OTUD7A: variants seen among roughly 807,000 people sequenced by gnomAD.
OTUD7A encodes the protein OTU domain-containing protein 7A.
OTUD7A carries 12 observed loss-of-function variants against 65.7 expected under a neutral mutation model. The observed-to-expected ratio is 0.18, with a 90% CI of 0.12 to 0.30. The LOEUF (loss-of-function observed/expected upper bound fraction) is 0.30, where lower values mean the gene tolerates loss of function less well. OTUD7A is among the 10% of genes least tolerant of loss of function. OTUD7A has a pLI of 1.00. For synonymous variants in OTUD7A, 641 were observed against 586.3 expected, an observed-to-expected ratio of 1.09 and a Z score of -1.35; for missense variants, 1,148 against 1,304.8, an observed-to-expected ratio of 0.88 and a Z score of 1.85.
intron 1 of OTUD7A, among the ~76,000 whole-genome samples, chr15:31,726,762 A>T (rs1893900236): frequency 6.6e-6 from 1 of 152,184 alleles, no homozygotes. Context: ...ATTCTAGAGG[A>T]TTTCTCAATG....
At chr15:31,713,591 C>T (rs1482822106) in intron 1 of OTUD7A, among the ~76,000 whole-genome samples, 3 of 151,666 alleles carry the variant, frequency 2.0e-5, no homozygotes, top group African/African-American at 7.3e-5. Context: ...TACACTCCAG[C>T]CAGGACAACA....
rs1890199286 is a variant in OTUD7A at position 31,605,087 on chromosome 15, C to T, written c.152-34890G>A. Among the ~76,000 whole-genome samples the T allele has an allele frequency of 1.3e-5, 2 of 152,182 alleles. 1 individual carries two copies. Among genetic ancestry groups the T allele is most frequent in the South Asian group, 4.1e-4 (2 of 4,832 alleles). On this transcript the variant is annotated intron_variant, in intron 3 of 12. Coordinates refer to ENST00000307050, the MANE Select transcript of OTUD7A (RefSeq NM_001382637.1). The stretch of plus-strand genomic sequence containing the variant: ...CCTTCCACAGCTGTTTGTTTCTTTG[C>T]TTTTGTATTTGATTTTAGTTTGCTT...
chr15:31,637,890 G>A (rs2141257931), intron 3 of OTUD7A, among the ~76,000 whole-genome samples: 2 of 152,366 alleles, frequency 1.3e-5, no homozygotes, highest in Middle Eastern at 6.8e-3. Flanking sequence ...TTATGGATGA[G>A]CAAGGAAAGT....
intron 3 of OTUD7A, among the ~76,000 whole-genome samples, chr15:31,628,025 T>C (rs1891016977): frequency 6.6e-6 from 1 of 152,230 alleles, no homozygotes; most frequent in Admixed American, 6.5e-5. Flanking sequence ...GCAAAAATTT[T>C]CTCCCATTTT....
At chr15:31,503,560 G>A (rs1165997420) in intron 9 of OTUD7A, 131 bp downstream of exon 9, 17 of 1,232,888 alleles carry the variant, frequency 1.4e-5, no homozygotes, top group African/African-American at 4.5e-5. Context: ...GAAACACGTC[G>A]AGGAGATCTT....
intron 4 of OTUD7A, among the ~76,000 whole-genome samples, chr15:31,563,741 G>A (rs1888771166): frequency 6.6e-6 from 1 of 152,198 alleles, no homozygotes; most frequent in Non-Finnish European, 1.5e-5. Flanking sequence ...GTCCCTACAG[G>A]AAACAAGGAC....
intron 3 of OTUD7A, among the ~76,000 whole-genome samples, chr15:31,630,707 AAT>A (rs1453875972): frequency 6.6e-6 from 1 of 152,004 alleles, no homozygotes; most frequent in Non-Finnish European, 1.5e-5. Flanking sequence ...TCCCATTATT[AAT>A]GTGTGGGAGT....
At chr15:31,779,366 G>A (rs1895475748) in intron 1 of OTUD7A, among the ~76,000 whole-genome samples, 1 of 152,184 alleles carries the variant, frequency 6.6e-6, no homozygotes. Context: ...AAGGCATCCA[G>A]GCAACATGTG....
chr15:31,681,269 GCCAT>G (rs1015216751), intron 1 of OTUD7A, among the ~76,000 whole-genome samples: 2 of 151,222 alleles, frequency 1.3e-5, no homozygotes, highest in Non-Finnish European at 2.9e-5. Context: ...CTTTCTTTCT[GCCAT>G]CCTGTCTATT....
At chr15:31,665,622 C>A (rs1313835809) in intron 1 of OTUD7A, among the ~76,000 whole-genome samples, 1 of 152,168 alleles carries the variant, frequency 6.6e-6, no homozygotes, top group African/African-American at 2.4e-5. Flanking sequence ...GATAGTATGA[C>A]TGCCTCTTCA....
chr15:31,821,209 C>T (rs1896674106), intron 1 of OTUD7A, among the ~76,000 whole-genome samples: 1 of 142,628 alleles, frequency 7.0e-6, no homozygotes, highest in African/African-American at 2.6e-5. Flanking sequence ...AATCTCAGCT[C>T]ACTGCAACCT....
chr15:31,487,808 C>T lies in OTUD7A; in HGVS notation c.1172-242G>A, dbSNP rs1397559300. ...GGACCCTGGCTCTCTTTGGGTCTGT[C>T]CAATGGCAGATACTCCATTGGGCAG... On this transcript the variant is annotated intron_variant, in intron 10 of 12. Coordinates refer to ENST00000307050, the MANE Select transcript of OTUD7A (RefSeq NM_001382637.1). This position sits in a 1 kb window ranked among gnomAD's most constrained non-coding sequence, Gnocchi z 6.0. Among the ~76,000 whole-genome samples the T allele has an allele frequency of 6.6e-6, 1 of 152,156 alleles. No homozygotes were observed. Among genetic ancestry groups the T allele is most frequent in the Non-Finnish European group, 1.5e-5 (1 of 68,028 alleles).
At chr15:31,575,995 A>C (rs1032061096) in intron 3 of OTUD7A, among the ~76,000 whole-genome samples, 1 of 152,204 alleles carries the variant, frequency 6.6e-6, no homozygotes, top group African/African-American at 2.4e-5. Flanking sequence ...TGAGGGATAT[A>C]TTTAAAAGAA....
intron 3 of OTUD7A, among the ~76,000 whole-genome samples, chr15:31,585,780 C>T (rs2141190122): frequency 6.6e-6 from 1 of 152,230 alleles, no homozygotes; most frequent in South Asian, 2.1e-4. Context: ...ACATAGGTGT[C>T]TACAGACCAC....
rs1272183383 is a variant in OTUD7A at position 31,480,825 on chromosome 15, G to A, written c.*2469C>T. The A allele has an allele frequency of 6.6e-6, 1 of 152,266 alleles. No individual in the cohort carries two copies. The highest frequency in any genetic ancestry group is 1.5e-5 in the Non-Finnish European group (1 of 68,050). The allele number at this position is 152,266 out of a possible 1,614,324, so 9.4% of individuals were successfully genotyped here. On this transcript the variant is annotated 3_prime_UTR_variant, in exon 13 of 13. Coordinates refer to ENST00000307050, the MANE Select transcript of OTUD7A (RefSeq NM_001382637.1). ...GACTGAGTGGTAATGTATCAGCCTG[G>A]AGCAGGTGTCTACAGGCGTCTGGCG... is the stretch of plus-strand genomic sequence containing the variant.
Position 31,771,415 on chromosome 15 carries a change from C to T in OTUD7A, c.-100+99092G>A, listed in dbSNP as rs138914770. Among the ~76,000 whole-genome samples, 401 of 152,298 alleles carry T rather than the reference C, an allele frequency of 2.6e-3. 9 individuals are homozygous for T. Among genetic ancestry groups the T allele is most frequent in the Non-Finnish European group, 7.1e-4 (48 of 68,028 alleles). Reference sequence around the variant, plus strand: ...GGCCCATGAACCATCTCCCTTCCCACCAAATGACATCAACATTTACGTGAT... The same window carrying T: ...GGCCCATGAACCATCTCCCTTCCCATCAAATGACATCAACATTTACGTGAT... On this transcript the variant is annotated intron_variant, in intron 1 of 12. Coordinates refer to ENST00000307050, the MANE Select transcript of OTUD7A (RefSeq NM_001382637.1).
At position 31,485,912 on chromosome 15, in the gene OTUD7A, AC is replaced by A. The variant is rs1186396237; in HGVS notation, c.1372-1189del. On this transcript the variant is annotated intron_variant, in intron 12 of 12. Transcript: ENST00000307050. ...CTGACCCTCACCACCTCCCACTCTG[AC>A]ATTCCTTTCCCCTTCCCACCTGGGA... 2.6e-5 allele frequency among the ~76,000 whole-genome samples: 4 copies of A among 152,168 alleles called. 1 individual carries two copies. Among genetic ancestry groups the A allele is most frequent in the Non-Finnish European group, 5.9e-5 (4 of 68,020 alleles).
intron 3 of OTUD7A, among the ~76,000 whole-genome samples, chr15:31,588,255 G>GA (rs1889608670): frequency 6.6e-6 from 1 of 152,196 alleles, no homozygotes; most frequent in African/African-American, 2.4e-5. Flanking sequence ...CTTGTTGTAG[G>GA]AAAGGAGAAA....
intron 1 of OTUD7A, among the ~76,000 whole-genome samples, chr15:31,701,409 A>T (rs1159896489): frequency 1.3e-5 from 2 of 151,532 alleles, no homozygotes; most frequent in Non-Finnish European, 1.5e-5. Context: ...ATTATAATTT[A>T]AAAATATATT....
Sources: gnomAD v4.1 joint callset for allele counts (sites outside exome capture counted in the v4.1 genomes callset) on GRCh38, gnomAD v4.1.1 for gene constraint, Gnocchi (gnomAD v3.1) non-coding constraint, MANE v1.5 for transcripts, NCBI Gene and HGNC (gene_info 2026-07-23, HGNC 2026-07-21) for gene names.